Variants in LOC400499 observed in about 807,000 individuals in gnomAD.
chr16:11,439,381 C>T, the LOC400499 span: 24,393 of 397,092 alleles, frequency 0.061, 1,251 homozygotes, highest in African/African-American at 0.18. Context: ...CTCCCTCCCT[C>T]GGGCCCCCAT....
the LOC400499 span, among the ~76,000 whole-genome samples, chr16:11,377,520 G>T: frequency 6.6e-6 from 1 of 152,188 alleles, no homozygotes; most frequent in African/African-American, 2.4e-5. Flanking sequence ...AATCACGAAA[G>T]GGTATTAAAC....
chr16:11,482,566 G>A, the LOC400499 span, among the ~76,000 whole-genome samples: 11 of 152,188 alleles, frequency 7.2e-5, no homozygotes, highest in African/African-American at 2.4e-4. Context: ...CAGACTGGGA[G>A]AAAATATTTC....
At chr16:11,388,297 C>T in the LOC400499 span, among the ~76,000 whole-genome samples, 1 of 152,178 alleles carries the variant, frequency 6.6e-6, no homozygotes, top group South Asian at 2.1e-4. Flanking sequence ...GCCCTGGGAG[C>T]TCTTCCCTTC....
the LOC400499 span, among the ~76,000 whole-genome samples, chr16:11,439,786 G>C: frequency 6.6e-6 from 1 of 152,028 alleles, no homozygotes; most frequent in Non-Finnish European, 1.5e-5. Context: ...CATCCTGGAT[G>C]GGGGGCTGGG....
the LOC400499 span, among the ~76,000 whole-genome samples, chr16:11,466,641 G>C: frequency 6.6e-6 from 1 of 151,944 alleles, no homozygotes; most frequent in African/African-American, 2.4e-5. Context: ...CACCTTTCTC[G>C]GCCTCCCAAA....
the LOC400499 span, among the ~76,000 whole-genome samples, chr16:11,495,412 G>C: frequency 0.089 from 13,285 of 149,288 alleles, 680 homozygotes; most frequent in African/African-American, 0.13. Flanking sequence ...ATGGAGTCTT[G>C]CTCTCTCATT....
At chr16:11,505,445 C>CTT in the LOC400499 span, among the ~76,000 whole-genome samples, 1,099 of 71,974 alleles carry the variant, frequency 0.015, 104 homozygotes, top group Non-Finnish European at 0.021. Flanking sequence ...TTTTTCTTTT[C>CTT]TTTTTTTTTT....
At chr16:11,376,775 C>G in the LOC400499 span, among the ~76,000 whole-genome samples, 4 of 152,120 alleles carry the variant, frequency 2.6e-5, no homozygotes, top group Non-Finnish European at 5.9e-5. Context: ...CTGTAGATCA[C>G]TTTGAGTAGT....
chr16:11,433,597 C>T, the LOC400499 span, among the ~76,000 whole-genome samples: 2 of 152,202 alleles, frequency 1.3e-5, no homozygotes, highest in African/African-American at 4.8e-5. Flanking sequence ...AATGAGGTGA[C>T]TCTTGGTGGG....
the LOC400499 span, chr16:11,456,920 C>T: frequency 7.2e-6 from 11 of 1,536,168 alleles, no homozygotes; most frequent in African/African-American, 5.5e-5. Flanking sequence ...CCACAAACAG[C>T]GGCCGCCCAT....
the LOC400499 span, among the ~76,000 whole-genome samples, chr16:11,500,260 C>A: frequency 6.6e-6 from 1 of 152,076 alleles, no homozygotes; most frequent in African/African-American, 2.4e-5. Context: ...GTAATCCCAG[C>A]ACTGTGGGAG....
chr16:11,496,280 T>C, the LOC400499 span, among the ~76,000 whole-genome samples: 1 of 152,166 alleles, frequency 6.6e-6, no homozygotes, highest in Admixed American at 6.5e-5. Context: ...TTGGCCAGGC[T>C]GGTCTCGAAC....
At chr16:11,483,563 C>G in the LOC400499 span, among the ~76,000 whole-genome samples, 1 of 151,980 alleles carries the variant, frequency 6.6e-6, no homozygotes, top group Non-Finnish European at 1.5e-5. Context: ...AGAGTACATG[C>G]TTTTTTTAAA....
the LOC400499 span, among the ~76,000 whole-genome samples, chr16:11,389,802 C>T: frequency 2.0e-5 from 3 of 152,146 alleles, no homozygotes. Flanking sequence ...GTACCAGCCC[C>T]GGTGTAGATG....
chr16:11,448,122 C>T, the LOC400499 span: 1 of 1,508,224 alleles, frequency 6.6e-7, no homozygotes, highest in Non-Finnish European at 8.8e-7. Context: ...CAGGACCAAG[C>T]TGCAGACCTG....
the LOC400499 span, among the ~76,000 whole-genome samples, chr16:11,418,841 C>G: frequency 1.3e-5 from 2 of 152,220 alleles, no homozygotes; most frequent in Non-Finnish European, 2.9e-5. Context: ...ATGTAATTCC[C>G]TCCCATGCCA....
chr16:11,448,091 CT>C, the LOC400499 span: 1 of 1,531,456 alleles, frequency 6.5e-7, no homozygotes, highest in Non-Finnish European at 8.7e-7. Flanking sequence ...AAGATCCAGG[CT>C]GAAGAGAGGG....
chr16:11,494,624 TCTCCCAGGATCCTCACTAGGGAGCCGA>T, the LOC400499 span: 2 of 398,944 alleles, frequency 5.0e-6, no homozygotes, highest in Non-Finnish European at 8.8e-6. Context: ...ACCCAAGGCG[TCTCCCAGGATCCTCACTAGGGAGCCGA>T]CTCCAGGCAG....
At chr16:11,420,599 C>CG in the LOC400499 span, among the ~76,000 whole-genome samples, 3 of 71,466 alleles carry the variant, frequency 4.2e-5, no homozygotes, top group East Asian at 9.4e-4. Context: ...AATAATAAAC[C>CG]CCCCCCCCCG....
Sources: allele counts gnomAD v4.1 joint callset (sites outside exome capture counted in the v4.1 genomes callset), GRCh38; gene constraint gnomAD v4.1.1; transcripts MANE v1.5.